The following TADA2A variants were observed in gnomAD, a reference collection of about 807,000 sequenced individuals.
The protein encoded by TADA2A is transcriptional adaptor 2A.
Under a neutral mutation model 67.4 loss-of-function variants are expected in TADA2A, and 38 were observed. The ratio of observed to expected loss-of-function variants is 0.56; its 90% CI spans 0.44 to 0.74. The LOEUF (loss-of-function observed/expected upper bound fraction) is 0.74. Among genes scored for constraint, TADA2A ranks in the 30% least tolerant of loss-of-function variants. The pLI, the probability that TADA2A is intolerant of heterozygous loss-of-function variation, is 0.00. For synonymous variants in TADA2A, 192 were observed against 181.6 expected (o/e 1.06, Z -0.46); for missense variants, 454 against 547.0 (o/e 0.83, Z 1.70).
At chr17:37,431,731 T>A (rs2147945547) in intron 4 of TADA2A, among the ~76,000 whole-genome samples, 1 of 152,018 alleles carries the variant, frequency 6.6e-6, no homozygotes, top group East Asian at 1.9e-4. Flanking sequence ...CACACCACCG[T>A]GCCCGGCTAA....
chr17:37,469,293 G>T (rs1388884646), intron 12 of TADA2A, among the ~76,000 whole-genome samples: 4 of 151,746 alleles, frequency 2.6e-5, no homozygotes, highest in Non-Finnish European at 4.4e-5. Flanking sequence ...TTTAACAGTG[G>T]AAACCATTTT....
chr17:37,455,594 G>T (rs573044736), intron 8 of TADA2A, among the ~76,000 whole-genome samples: 22 of 152,212 alleles, frequency 1.4e-4, no homozygotes, highest in African/African-American at 5.3e-4. Context: ...TGTTAGCCAG[G>T]ATGGTCTTGA....
At chr17:37,407,846 C>A (rs1298974447) in intron 1 of TADA2A, 2 of 152,328 alleles carry the variant, frequency 1.3e-5, no homozygotes, top group Admixed American at 6.5e-5. Flanking sequence ...GCCTCGGCCT[C>A]CCAAAGTGCT....
In TADA2A at chr17:37,414,896, CTT is replaced by C. The variant is rs796198437; in HGVS notation, c.25+3518_25+3519del. 1.8e-3 allele frequency among the ~76,000 whole-genome samples: 248 copies of C among 136,774 alleles called. 3 individuals are homozygous for C. In the East Asian group the frequency reaches 0.031, roughly 17 times the overall value. The allele number at this position is 136,774 out of a possible 152,430, so 89.7% of individuals were successfully genotyped here. On this transcript the variant is annotated intron_variant, in intron 2 of 15. Coordinates refer to ENST00000615182, the MANE Select transcript of TADA2A (RefSeq NM_001166105.3). The stretch of plus-strand genomic sequence containing the variant: ...TCTAATTTTTTTCTTTTTCTTTTCT[CTT>C]TTTTTTTTTTTGAGACAGAGCTTCG...
intron 9 of TADA2A, 88 bp downstream of exon 9, chr17:37,458,675 CTG>C (rs2053467602): frequency 1.4e-6 from 1 of 698,534 alleles, no homozygotes; most frequent in Middle Eastern, 4.7e-4. Flanking sequence ...GTGTGTGTGT[CTG>C]TGTCTGTGTC....
intron 5 of TADA2A, among the ~76,000 whole-genome samples, chr17:37,439,906 C>CTTTATTTATTTA (rs200809737): frequency 3.8e-5 from 5 of 132,112 alleles, no homozygotes; most frequent in Admixed American, 7.8e-5. Context: ...TTCCAGTCAT[C>CTTTATTTATTTA]TTTATTTATT....
At chr17:37,416,123 T>G (rs2052037400) in intron 2 of TADA2A, among the ~76,000 whole-genome samples, 1 of 150,168 alleles carries the variant, frequency 6.7e-6, no homozygotes, top group Admixed American at 6.7e-5. Context: ...CCTCTCAATT[T>G]TTTTTTTTTT....
chr17:37,476,938 A>G lies in TADA2A; in HGVS notation c.1288A>G (p.Ile430Val), dbSNP rs1434763804. ...GATAGATGTGAACAAAACCCGGAAA[A>G]TCTATGATTTCCTCATCAGAGAAGG... is the stretch of plus-strand genomic sequence containing the variant. ...IKIDVNKTRK[I>V]YDFLIREGYI... is the part of the protein sequence containing the mutation. The change falls in exon 16 of 16, where the codon ATC becomes GTC. Residue 430 changes from isoleucine to valine, a missense_variant. Physicochemically the swap from Ile to Val is conservative, Grantham distance 29 (BLOSUM62 3). Coordinates refer to ENST00000615182, the MANE Select transcript of TADA2A (RefSeq NM_001166105.3). The G allele has an allele frequency of 1.2e-6, 2 of 1,613,882 alleles. No homozygotes were observed. Among genetic ancestry groups the G allele is most frequent in the Non-Finnish European group, 1.7e-6 (2 of 1,179,934 alleles).
At chr17:37,414,018 T>C (rs1179445125) in intron 2 of TADA2A, among the ~76,000 whole-genome samples, 1 of 152,148 alleles carries the variant, frequency 6.6e-6, no homozygotes, top group Non-Finnish European at 1.5e-5. Flanking sequence ...CTTGTTTTTT[T>C]AGCTCATACT....
intron 10 of TADA2A, among the ~76,000 whole-genome samples, chr17:37,463,062 T>C (rs528489119): frequency 3.8e-4 from 58 of 151,990 alleles, no homozygotes; most frequent in African/African-American, 1.3e-3. Flanking sequence ...AGCCTTGAAC[T>C]CCTGGGTGCA....
intron 4 of TADA2A, 151 bp downstream of exon 4, chr17:37,427,160 G>A (rs1035764701): frequency 4.2e-5 from 24 of 569,636 alleles, no homozygotes; most frequent in East Asian, 1.4e-4. Flanking sequence ...TCTCCCCTTC[G>A]GAAATAGGTA....
chr17:37,467,583 A>C (rs2053693453), intron 12 of TADA2A, 58 bp downstream of exon 12: 1 of 1,394,366 alleles, frequency 7.2e-7, no homozygotes, highest in African/African-American at 1.5e-5. Context: ...AGACACACAG[A>C]GGAAGTCTCT....
Position 37,436,675 on chromosome 17 carries a change from A to G in TADA2A, c.193-1063A>G, listed in dbSNP as rs1451862120. 4.6e-5 allele frequency among the ~76,000 whole-genome samples: 7 copies of G among 151,276 alleles called. No individual in the cohort carries two copies. In the East Asian group the frequency reaches 9.7e-4, roughly 21 times the overall value. On this transcript the variant is annotated intron_variant, in intron 4 of 15. Coordinates refer to ENST00000615182, the MANE Select transcript of TADA2A (RefSeq NM_001166105.3). The stretch of plus-strand genomic sequence containing the variant: ...AGGCCAGCCTAAAGTTTAATATTAT[A>G]CTCTTTATGTTTCAAAGTTAAATCT...
intron 10 of TADA2A, among the ~76,000 whole-genome samples, chr17:37,463,842 ACTC>A (rs1347008896): frequency 1.3e-5 from 2 of 151,786 alleles, no homozygotes; most frequent in African/African-American, 4.8e-5. Context: ...AGTCCCAACT[ACTC>A]AGGAGGCTGA....
At position 37,415,708 on chromosome 17, in the gene TADA2A, A is replaced by G. The variant is rs115668716; in HGVS notation, c.25+4318A>G. ...GCCTGACCACCATGGTGAAGCCTCT[A>G]CTAAAGATACAAAAAATTAGCTGGG... On this transcript the variant is annotated intron_variant, in intron 2 of 15. Coordinates refer to ENST00000615182, the MANE Select transcript of TADA2A (RefSeq NM_001166105.3). 7.3e-3 allele frequency among the ~76,000 whole-genome samples: 1,093 copies of G among 150,318 alleles called. 11 individuals carry two copies. Among genetic ancestry groups the G allele is most frequent in the African/African-American group, 0.026 (1,032 of 39,860 alleles).
intron 4 of TADA2A, among the ~76,000 whole-genome samples, chr17:37,435,811 C>T (rs1447299215): frequency 1.3e-5 from 2 of 152,010 alleles, no homozygotes; most frequent in Non-Finnish European, 2.9e-5. Context: ...AACTCCTGAG[C>T]TCAAGCAATC....
chr17:37,465,133 G>T (rs917977390), intron 10 of TADA2A, among the ~76,000 whole-genome samples: 2 of 151,832 alleles, frequency 1.3e-5, no homozygotes, highest in Admixed American at 6.6e-5. Context: ...GGGAGACAGA[G>T]CGAGACTCCA....
At chr17:37,410,522 T>C (rs2051832028) in intron 1 of TADA2A, among the ~76,000 whole-genome samples, 2 of 151,794 alleles carry the variant, frequency 1.3e-5, no homozygotes, top group South Asian at 4.2e-4. Flanking sequence ...TATGTTGTAA[T>C]AGATAGGATT....
At chr17:37,447,674 A>C (rs1476981196) in intron 8 of TADA2A, among the ~76,000 whole-genome samples, 1 of 152,188 alleles carries the variant, frequency 6.6e-6, no homozygotes, top group African/African-American at 2.4e-5. Context: ...CAAAGGAATG[A>C]CTTGCTCATG....
Sources: allele counts gnomAD v4.1 joint callset (sites outside exome capture counted in the v4.1 genomes callset), GRCh38; gene constraint gnomAD v4.1.1; transcripts MANE v1.5; gene names NCBI Gene and HGNC (gene_info 2026-07-23, HGNC 2026-07-21).